GABPB2: variants seen among roughly 807,000 people sequenced by gnomAD.
GABPB2 encodes the protein GA binding protein transcription factor subunit beta 2.
A neutral mutation model predicts 39.1 loss-of-function variants in GABPB2; 23 were observed. The ratio of observed to expected loss-of-function variants is 0.59; its 90% CI spans 0.42 to 0.83. The LOEUF (loss-of-function observed/expected upper bound fraction) is 0.83. Among genes scored for constraint, GABPB2 ranks in the 40% least tolerant of loss-of-function variants. The pLI is 0.00. For synonymous variants in GABPB2, 184 were observed against 199.3 expected (o/e 0.92, Z 0.65); for missense variants, 467 against 541.1 (o/e 0.86, Z 1.36).
chr1:151,117,847 G>A (rs1572003033), intron 8 of GABPB2, 110 bp from the exon 9 acceptor site: 3 of 1,070,884 alleles, frequency 2.8e-6, no homozygotes, highest in Middle Eastern at 2.7e-4. Flanking sequence ...GCCTCCCAAA[G>A]TGCTTGGATT....
At chr1:151,107,619 C>T (rs1444503395) in intron 7 of GABPB2, among the ~76,000 whole-genome samples, 3 of 151,800 alleles carry the variant, frequency 2.0e-5, no homozygotes, top group Non-Finnish European at 2.9e-5. Flanking sequence ...GGGTTCACCG[C>T]GCCCGGCCCT....
intron 7 of GABPB2, among the ~76,000 whole-genome samples, chr1:151,108,473 T>A (rs1473819626): frequency 6.6e-6 from 1 of 152,178 alleles, no homozygotes; most frequent in Non-Finnish European, 1.5e-5. Context: ...CACCCAGTGA[T>A]GTTGTGTACC....
intron 4 of GABPB2, among the ~76,000 whole-genome samples, chr1:151,095,074 GA>G (rs1457767655): frequency 6.6e-6 from 1 of 151,206 alleles, no homozygotes; most frequent in African/African-American, 2.4e-5. Flanking sequence ...AGACAGGCAA[GA>G]AAATATTATA....
At chr1:151,082,790 A>G (rs1300179088) in intron 1 of GABPB2, among the ~76,000 whole-genome samples, 1 of 151,962 alleles carries the variant, frequency 6.6e-6, no homozygotes, top group African/African-American at 2.4e-5. Flanking sequence ...AGCCTGGGCA[A>G]TATAACAAAA....
At position 151,122,459 on chromosome 1, in the gene GABPB2, G is replaced by T. The variant is rs766132385; in HGVS notation, c.*4203G>T. Reference sequence around the variant, plus strand: ...AAGCTGTTATGTGTGGGATTTCGGAGCCTTACTTTAACGATAGAGGAACCA... The same window carrying T: ...AAGCTGTTATGTGTGGGATTTCGGATCCTTACTTTAACGATAGAGGAACCA... On this transcript the variant is annotated 3_prime_UTR_variant, in exon 9 of 9. Coordinates refer to ENST00000368918, the MANE Select transcript of GABPB2 (RefSeq NM_144618.3). 2.0e-5 allele frequency: 3 copies of T among 151,886 alleles called. No individual in the cohort carries two copies. The highest frequency in any genetic ancestry group is 4.4e-5 in the Non-Finnish European group (3 of 68,004). The allele number at this position is 151,886 out of a possible 1,614,324, so 9.4% of individuals were successfully genotyped here.
chr1:151,094,342 G>A (rs975618610), intron 4 of GABPB2, among the ~76,000 whole-genome samples: 3 of 150,954 alleles, frequency 2.0e-5, no homozygotes, highest in Non-Finnish European at 4.4e-5. Flanking sequence ...GTCAGCCACT[G>A]TGCCGGCTGT....
chr1:151,109,754 C>T (rs912560919), intron 7 of GABPB2, among the ~76,000 whole-genome samples: 3 of 151,942 alleles, frequency 2.0e-5, no homozygotes, highest in Non-Finnish European at 4.4e-5. Flanking sequence ...TGGCGCACTG[C>T]AGCCTCGACT....
At chr1:151,109,550 G>A (rs1221317823) in intron 7 of GABPB2, among the ~76,000 whole-genome samples, 5 of 150,638 alleles carry the variant, frequency 3.3e-5, no homozygotes, top group African/African-American at 7.3e-5. Context: ...TAGTAGAGAC[G>A]GGGTTTCACT....
chr1:151,107,537 T>C (rs1490722590), intron 7 of GABPB2, among the ~76,000 whole-genome samples: 8 of 150,716 alleles, frequency 5.3e-5, no homozygotes, highest in African/African-American at 9.8e-5. Context: ...ATTCTCACTC[T>C]CTCACCCAGG....
intron 1 of GABPB2, among the ~76,000 whole-genome samples, chr1:151,081,099 T>G (rs1216367931): frequency 6.6e-6 from 1 of 151,144 alleles, no homozygotes; most frequent in African/African-American, 2.4e-5. Flanking sequence ...GGTCTCGGTC[T>G]CCTGACTTCG....
chr1:151,100,195 A>G lies in GABPB2; in HGVS notation c.622+2193A>G, dbSNP rs1234687310. Among the ~76,000 whole-genome samples, 3 of 143,750 alleles carry G rather than the reference A, an allele frequency of 2.1e-5. No homozygotes were observed. In the East Asian group the frequency reaches 6.2e-4, roughly 30 times the overall value. 94.3% of individuals were successfully genotyped at this position (143,750 alleles called of 152,430 possible). A position where few individuals can be genotyped will look rare whatever the true frequency, so the allele number is the denominator to read the frequency against. Reference sequence around the variant, plus strand: ...AGTCTCGCTCTGTCGCCCAGGCTGGAGTGCAGTGGCCCAATCTCAGCTCAC... The same window carrying G: ...AGTCTCGCTCTGTCGCCCAGGCTGGGGTGCAGTGGCCCAATCTCAGCTCAC... On this transcript the variant is annotated intron_variant, in intron 5 of 8. Coordinates refer to ENST00000368918, the MANE Select transcript of GABPB2 (RefSeq NM_144618.3).
chr1:151,098,960 T>C (rs1168530240), intron 5 of GABPB2, among the ~76,000 whole-genome samples: 1 of 151,722 alleles, frequency 6.6e-6, no homozygotes, highest in Non-Finnish European at 1.5e-5. Context: ...GGTGGGTGCC[T>C]GTAATCCCAG....
At position 151,125,159 on chromosome 1, in the gene GABPB2, G is replaced by C. The variant is rs1362300790; in HGVS notation, c.*6903G>C. On this transcript the variant is annotated 3_prime_UTR_variant, in exon 9 of 9. Transcript: ENST00000368918. ...TAATCTAGGTCACCTTCTATATCCT[G>C]TGCTTTCTAGTTGGCTTTAGACATC... is the stretch of plus-strand genomic sequence containing the variant. The C allele has an allele frequency of 2.6e-5, 4 of 152,078 alleles. No homozygotes were observed. Among genetic ancestry groups the C allele is most frequent in the African/African-American group, 9.7e-5 (4 of 41,390 alleles). 9.4% of individuals were successfully genotyped at this position (152,078 alleles called of 1,614,324 possible). A position where few individuals can be genotyped will look rare whatever the true frequency, so the allele number is the denominator to read the frequency against.
intron 1 of GABPB2, among the ~76,000 whole-genome samples, chr1:151,080,076 G>A (rs1196874127): frequency 6.6e-6 from 1 of 151,226 alleles, no homozygotes; most frequent in African/African-American, 2.4e-5. Flanking sequence ...TTAGCCAAGC[G>A]TGGTGGCACA....
chr1:151,075,994 G>A (rs1376818959), intron 1 of GABPB2, among the ~76,000 whole-genome samples: 2 of 152,122 alleles, frequency 1.3e-5, no homozygotes, highest in African/African-American at 2.4e-5. Context: ...TGTATTCAGG[G>A]TTCAGAGAGG....
intron 1 of GABPB2, among the ~76,000 whole-genome samples, chr1:151,082,652 GCCCACCTCA>G (rs2101456245): frequency 6.6e-6 from 1 of 150,438 alleles, no homozygotes; most frequent in African/African-American, 2.4e-5. Context: ...CTTGTGATCC[GCCCACCTCA>G]GCCTCCCAAA....
chr1:151,105,666 A>G (rs915080553), intron 6 of GABPB2, among the ~76,000 whole-genome samples: 1 of 151,848 alleles, frequency 6.6e-6, no homozygotes, highest in African/African-American at 2.4e-5. Flanking sequence ...GGTGCATGCC[A>G]CCACGCTCAA....
intron 8 of GABPB2, 81 bp from the exon 9 acceptor site, chr1:151,117,876 T>G (rs587594603): frequency 7.3e-7 from 1 of 1,375,162 alleles, no homozygotes; most frequent in African/African-American, 1.4e-5. Flanking sequence ...GAGGCACCGC[T>G]CCTGGCCTGT....
At chr1:151,081,675 C>G (rs1260623217) in intron 1 of GABPB2, among the ~76,000 whole-genome samples, 1 of 151,844 alleles carries the variant, frequency 6.6e-6, no homozygotes, top group Non-Finnish European at 1.5e-5. Context: ...CGCTCTGTCA[C>G]CCATGCTGGA....
Sources: gnomAD v4.1 joint callset for allele counts (sites outside exome capture counted in the v4.1 genomes callset) on GRCh38, gnomAD v4.1.1 for gene constraint, MANE v1.5 for transcripts, NCBI Gene and HGNC (gene_info 2026-07-23, HGNC 2026-07-21) for gene names.